The following MYB variants were observed in gnomAD, a reference collection of about 807,000 sequenced individuals.
MYB encodes MYB proto-oncogene, transcription factor, also known as transcriptional activator Myb.
In MYB, 28 loss-of-function variants were observed where a neutral mutation model predicts 92.9. The observed-to-expected ratio is 0.30, with a 90% CI of 0.22 to 0.41. The LOEUF (loss-of-function observed/expected upper bound fraction) is 0.41. Among genes scored for constraint, MYB ranks in the 10% least tolerant of loss-of-function variants. The probability of loss-of-function intolerance (pLI) is 1.00; values close to 1 mark genes in which losing one functional copy is unlikely to be tolerated. For missense variants in MYB, 679 were observed against 929.3 expected, an observed-to-expected ratio of 0.73 and a Z score of 3.50; for synonymous variants, 295 against 329.1, an observed-to-expected ratio of 0.90 and a Z score of 1.12.
At position 135,183,006 on chromosome 6, in the gene MYB, G is replaced by GTT. The variant is rs3071602; in HGVS notation, c.23+1491_23+1492dup. Among the ~76,000 whole-genome samples the GTT allele has an allele frequency of 8.9e-4, 82 of 92,416 alleles. 1 individual carries two copies. Among genetic ancestry groups the GTT allele is most frequent in the Non-Finnish European group, 1.2e-3 (56 of 48,544 alleles). The allele number at this position is 92,416 out of a possible 152,430, so 60.6% of individuals were successfully genotyped here. On this transcript the variant is annotated intron_variant, in intron 1 of 15. Transcript: ENST00000341911. ...CACAGGACAGCTACCGGGGTCATCT[G>GTT]TTTTTTTTTTTTTTTTTTTTTTCGA...
At position 135,210,287 on chromosome 6, in the gene MYB, T is replaced by C. The variant is rs55861111; in HGVS notation, c.2169+6963T>C. On this transcript the variant is annotated intron_variant, in intron 15 of 15. Coordinates refer to ENST00000341911, the MANE Select transcript of MYB (RefSeq NM_001130173.2). ...AACCCAAGTGTAAAAGATGTGTTCA[T>C]AGGCTTTCTACTCACTCACTTGCCT... Among the ~76,000 whole-genome samples the C allele has an allele frequency of 3.8e-4, 58 of 152,364 alleles. No homozygotes were observed. The East Asian group carries it at 8.1e-3, about 21-fold the overall frequency.
At chr6:135,184,366 A>G (rs1222368147) in intron 1 of MYB, among the ~76,000 whole-genome samples, 1 of 36,748 alleles carries the variant, frequency 2.7e-5, no homozygotes, top group African/African-American at 9.7e-5. Context: ...ATCGTGTTTT[A>G]CATTTTTGTA....
rs1775072583 is a variant in MYB, at chr6:135,181,744, T to C, written c.23+208T>C. On this transcript the variant is annotated intron_variant, in intron 1 of 15. Transcript: ENST00000341911. The surrounding 1 kb of genome is among the most constrained non-coding windows in gnomAD (Gnocchi z 5.3). Reference sequence around the variant, plus strand: ...CTTTGCGGGAAATGTATCCGGACGTTGGGAAGCACGCCCTGCGGCTCATTT... The same window carrying C: ...CTTTGCGGGAAATGTATCCGGACGTCGGGAAGCACGCCCTGCGGCTCATTT... Among the ~76,000 whole-genome samples, 1 of 152,170 alleles carries C rather than the reference T, an allele frequency of 6.6e-6. No homozygotes were observed. The highest frequency in any genetic ancestry group is 2.4e-5 in the African/African-American group (1 of 41,450).
In MYB at chr6:135,217,928, G is replaced by T. The variant is rs751072359; in HGVS notation, c.2234G>T (p.Ser745Ile). 1 of 1,613,380 alleles carries T rather than the reference G, an allele frequency of 6.2e-7. No individual in the cohort carries two copies. Among genetic ancestry groups the T allele is most frequent in the Non-Finnish European group, 8.5e-7 (1 of 1,179,662 alleles). The change falls in exon 16 of 16, where the codon AGT becomes ATT. Residue 745 changes from serine (S) to isoleucine (I), a missense_variant. This residue lies in a region of MYB where 402 missense variants were observed against 434.2 expected (regional missense o/e 0.93). Coordinates refer to ENST00000341911, the MANE Select transcript of MYB (RefSeq NM_001130173.2). ...ATGGAGGAGCAGATGACATCTTCCA[G>T]TCAAGCTCGTAAATACGTGAATGCA... Reference protein sequence around the residue: ...GKMEEQMTSSSQARKYVNAFS... With the variant: ...GKMEEQMTSSIQARKYVNAFS...
intron 15 of MYB, among the ~76,000 whole-genome samples, chr6:135,210,209 C>T (rs940504738): frequency 9.2e-5 from 14 of 152,232 alleles, no homozygotes; most frequent in Non-Finnish European, 1.6e-4. Flanking sequence ...TATAAGCCTT[C>T]TGAACTTCTG....
At position 135,203,289 on chromosome 6, in the gene MYB, G is replaced by T; in HGVS notation, c.2134G>T (p.Val712Leu). ...AGACAATGTTCTCAAAGCATTTACA[G>T]TACCTAAAAACAGGTCCCTGGCGAG... ...DEDNVLKAFT[V>L]PKNRSLASPL... Residue 712 changes from valine to leucine, a missense_variant, in exon 15 of 16, where the codon GTA becomes TTA. Physicochemically the swap from Val to Leu is conservative, Grantham distance 32 (BLOSUM62 1). Coordinates refer to ENST00000341911, the MANE Select transcript of MYB (RefSeq NM_001130173.2). 6.2e-7 allele frequency: 1 copy of T among 1,610,076 alleles called. No homozygotes were observed. Among genetic ancestry groups the T allele is most frequent in the South Asian group, 1.1e-5 (1 of 90,988 alleles).
intron 15 of MYB, among the ~76,000 whole-genome samples, chr6:135,205,726 T>C (rs1436025001): frequency 1.3e-5 from 2 of 152,232 alleles, no homozygotes; most frequent in African/African-American, 2.4e-5. Flanking sequence ...TCAATACTCC[T>C]GTCTAAACCA....
At chr6:135,217,725 G>A (rs897649404) in intron 15 of MYB, 139 bp from the exon 16 acceptor site, 74 of 722,696 alleles carry the variant, frequency 1.0e-4, no homozygotes, top group East Asian at 2.3e-4. Context: ...ATTTCTGGGG[G>A]CCAGGGAGGT....
chr6:135,206,163 G>A (rs570486214), intron 15 of MYB, among the ~76,000 whole-genome samples: 2 of 130,516 alleles, frequency 1.5e-5, no homozygotes, highest in Non-Finnish European at 3.1e-5. Flanking sequence ...CTGAGATAGC[G>A]CCACTACACT....
chr6:135,197,468 A>C, intron 10 of MYB, 145 bp downstream of exon 10: 2 of 810,932 alleles, frequency 2.5e-6, no homozygotes, highest in East Asian at 2.5e-5. Flanking sequence ...GCTGTTGCTA[A>C]GTTATACTGC....
rs112083682 is a variant in MYB, at chr6:135,189,890, T to C, written c.306+7T>C. The C allele has an allele frequency of 4.7e-5, 76 of 1,607,654 alleles. No individual in the cohort carries two copies. In the Admixed American group the frequency reaches 5.3e-4, roughly 11 times the overall value. ...CAAAGAAGAAGATCAGAGAGTAAGT[T>C]CTTTCTTCATTGGTGTGTGACTCAT... On this transcript the variant is annotated splice_region_variant and intron_variant, in intron 4 of 15. Coordinates refer to ENST00000341911, the MANE Select transcript of MYB (RefSeq NM_001130173.2).
rs1462131123 is a variant in MYB, at chr6:135,217,916, T to C, written c.2222T>C (p.Met741Thr). ...TCCTGTGGAAAGATGGAGGAGCAGATGACATCTTCCAGTCAAGCTCGTAAA... is the reference window on the plus strand; with the variant it reads ...TCCTGTGGAAAGATGGAGGAGCAGACGACATCTTCCAGTCAAGCTCGTAAA... ...PASCGKMEEQMTSSSQARKYV... is the reference protein window; with the variant it reads ...PASCGKMEEQTTSSSQARKYV... Residue 741 changes from methionine (M) to threonine (T), a missense_variant, in exon 16 of 16, where the codon ATG becomes ACG. This residue lies in a region of MYB where 402 missense variants were observed against 434.2 expected (regional missense o/e 0.93). Transcript: ENST00000341911. The C allele has an allele frequency of 6.2e-7, 1 of 1,613,624 alleles. No individual in the cohort carries two copies. The highest frequency in any genetic ancestry group is 1.1e-5 in the South Asian group (1 of 91,020).
At chr6:135,196,030 C>G in intron 9 of MYB, 28 bp downstream of exon 9, 8 of 1,602,052 alleles carry the variant, frequency 5.0e-6, no homozygotes, top group Non-Finnish European at 5.1e-6. Flanking sequence ...GGGAAGTTAA[C>G]GATTCTGGAA....
chr6:135,204,418 C>T (rs922333078), intron 15 of MYB, among the ~76,000 whole-genome samples: 1 of 152,170 alleles, frequency 6.6e-6, no homozygotes, highest in Non-Finnish European at 1.5e-5. Flanking sequence ...TATGCCTCAG[C>T]CTCCCAATTA....
rs2128297253 is a variant in MYB at position 135,196,644 on chromosome 6, G to A, written c.1204-317G>A. The A allele has an allele frequency of 3.4e-6, 3 of 876,040 alleles. No homozygotes were observed. The South Asian group carries it at 4.3e-5, about 12-fold the overall frequency. The allele number at this position is 876,040 out of a possible 1,614,324, so 54.3% of individuals were successfully genotyped here. On this transcript the variant is annotated intron_variant, in intron 9 of 15. Transcript: ENST00000341911. ...CCCAGTTGATTAAAAATCATTTATT[G>A]CACACTCATTGGTTAGGAGATGACC...
chr6:135,185,887 A>G lies in MYB; in HGVS notation c.24-16A>G, dbSNP rs917538811. The G allele has an allele frequency of 1.9e-6, 3 of 1,598,646 alleles. No homozygotes were observed. The highest frequency in any genetic ancestry group is 3.3e-5 in the Admixed American group (2 of 59,986). On this transcript the variant is annotated splice_polypyrimidine_tract_variant and intron_variant, in intron 1 of 15. Coordinates refer to ENST00000341911, the MANE Select transcript of MYB (RefSeq NM_001130173.2). ...CTCTTGTTTCAGCCCACGTCTACCC[A>G]TTCTTATTTCTGCAGCATATATAGC...
rs1776461697 is a variant in MYB, at chr6:135,190,277, A to G, written c.457A>G (p.Arg153Gly). Residue 153 changes from arginine (R) to glycine (G), a missense_variant, in exon 5 of 16, where the codon AGA (arginine) becomes GGA (glycine). By Grantham distance (125) the Arg-to-Gly change is moderately radical. Transcript: ENST00000341911. The surrounding 1 kb of genome is among the most constrained non-coding windows in gnomAD (Gnocchi z 4.5). The stretch of plus-strand genomic sequence containing the variant: ...AACCTCCTGGACAGAAGAGGAAGAC[A>G]GAATTATTTACCAGGCACACAAGAG... ...KKTSWTEEED[R>G]IIYQAHKRLG... 1.9e-6 allele frequency: 3 copies of G among 1,614,218 alleles called. No homozygotes were observed. The highest frequency in any genetic ancestry group is 2.5e-6 in the Non-Finnish European group (3 of 1,180,028).
At chr6:135,199,413 G>A (rs1342718336) in intron 11 of MYB, 15 of 303,340 alleles carry the variant, frequency 4.9e-5, no homozygotes, top group East Asian at 2.7e-4. Flanking sequence ...GAATAAGAAC[G>A]AGTATGGTTT....
chr6:135,216,160 G>A (rs923772771), intron 15 of MYB, among the ~76,000 whole-genome samples: 26 of 152,084 alleles, frequency 1.7e-4, no homozygotes, highest in Admixed American at 5.2e-4. Context: ...CTGGTGTTTC[G>A]TGTGCAAATC....
Sources: allele counts gnomAD v4.1 joint callset (sites outside exome capture counted in the v4.1 genomes callset), GRCh38; gene constraint gnomAD v4.1.1; regional missense constraint gnomAD v4.1.1; non-coding constraint Gnocchi (gnomAD v3.1); transcripts MANE v1.5; gene names NCBI Gene and HGNC (gene_info 2026-07-23, HGNC 2026-07-21).